Variants in PDS5B observed in about 807,000 individuals in gnomAD.
PDS5B encodes the protein PDS5 cohesin associated factor B.
In PDS5B, 51 loss-of-function variants were observed where a neutral mutation model predicts 184.1. That is an observed-to-expected ratio of 0.28 (90% CI 0.22 to 0.35). The LOEUF (loss-of-function observed/expected upper bound fraction) is 0.35, where lower values mean the gene tolerates loss of function less well. PDS5B is among the 10% of genes least tolerant of loss of function. PDS5B has a pLI of 1.00. For synonymous variants in PDS5B, 566 were observed against 569.2 expected (o/e 0.99, Z 0.08); for missense variants, 1,180 against 1,723.3 (o/e 0.68, Z 5.58).
intron 12 of PDS5B, among the ~76,000 whole-genome samples, chr13:32,687,839 A>G (rs1951439715): frequency 6.6e-6 from 1 of 152,182 alleles, no homozygotes; most frequent in African/African-American, 2.4e-5. Flanking sequence ...TTATTAGTGG[A>G]GACCAAATGA....
intron 21 of PDS5B, among the ~76,000 whole-genome samples, chr13:32,739,600 T>G (rs1953468775): frequency 6.6e-6 from 1 of 152,196 alleles, no homozygotes; most frequent in Non-Finnish European, 1.5e-5. Flanking sequence ...TACTTCCATT[T>G]TAGGTATTTA....
intron 1 of PDS5B, among the ~76,000 whole-genome samples, chr13:32,609,221 G>A (rs897156860): frequency 6.6e-6 from 1 of 151,920 alleles, no homozygotes; most frequent in African/African-American, 2.4e-5. Flanking sequence ...ATCCGTTGTT[G>A]GATTAATTTT....
chr13:32,655,397 T>A (rs1341334279), intron 3 of PDS5B, among the ~76,000 whole-genome samples: 21 of 133,890 alleles, frequency 1.6e-4, no homozygotes, highest in South Asian at 5.2e-4. Context: ...TTTTTTTTTT[T>A]AGATGGAGTT....
In PDS5B at chr13:32,741,113, C is replaced by G; in HGVS notation, c.2440C>G (p.Pro814Ala). The G allele has an allele frequency of 6.4e-7, 1 of 1,568,974 alleles. No homozygotes were observed. Among genetic ancestry groups the G allele is most frequent in the Non-Finnish European group, 8.7e-7 (1 of 1,148,226 alleles). ...PGKKTTKLWV[P>A]DEEVSPETMV... ...GAAAAAGACAACTAAACTTTGGGTT[C>G]CAGATGAAGAAGTATCTCCTGAGAC... The change falls in exon 22 of 35, where the codon CCA becomes GCA. Residue 814 changes from proline (P) to alanine (A), a missense_variant. Pro to Ala is a conservative substitution (Grantham distance 27, BLOSUM62 -1). This residue lies in a region of PDS5B where 475 missense variants were observed against 691.5 expected (regional missense o/e 0.69). Coordinates refer to ENST00000315596, the MANE Select transcript of PDS5B (RefSeq NM_015032.4).
chr13:32,719,192 T>C (rs937123207), intron 19 of PDS5B, among the ~76,000 whole-genome samples: 4 of 152,162 alleles, frequency 2.6e-5, no homozygotes, highest in Non-Finnish European at 5.9e-5. Context: ...TTACTATTAT[T>C]ATTTTGTTGA....
chr13:32,764,438 C>A lies in PDS5B; in HGVS notation c.3519-51C>A, dbSNP rs758323141. 6 of 1,161,922 alleles carry A rather than the reference C, an allele frequency of 5.2e-6. No homozygotes were observed. In the Admixed American group the frequency reaches 1.2e-4, roughly 24 times the overall value. 72.0% of individuals were successfully genotyped at this position (1,161,922 alleles called of 1,614,324 possible). A position where few individuals can be genotyped will look rare whatever the true frequency, so the allele number is the denominator to read the frequency against. On this transcript the variant is annotated intron_variant, in intron 30 of 34. Transcript: ENST00000315596. The stretch of plus-strand genomic sequence containing the variant: ...AAAGCTACACTAGGAACAGAAAAAG[C>A]TTGTAAGGTTATTTGATTGTAATAA...
intron 1 of PDS5B, among the ~76,000 whole-genome samples, chr13:32,619,368 G>A (rs954654537): frequency 3.3e-5 from 5 of 152,154 alleles, no homozygotes; most frequent in Admixed American, 6.5e-5. Context: ...AATCTGTACA[G>A]CATGTTACTG....
intron 13 of PDS5B, chr13:32,689,509 C>A (rs1319775092): frequency 6.6e-6 from 1 of 152,064 alleles, no homozygotes; most frequent in East Asian, 1.9e-4. Context: ...ATCTGATTGC[C>A]CACAAAGCTT....
At chr13:32,696,462 C>G (rs944908103) in intron 14 of PDS5B, among the ~76,000 whole-genome samples, 2 of 151,940 alleles carry the variant, frequency 1.3e-5, no homozygotes, top group African/African-American at 4.8e-5. Flanking sequence ...TTGTCTTTCT[C>G]CAGTGTCTTC....
chr13:32,660,171 C>T (rs935643106), intron 6 of PDS5B, among the ~76,000 whole-genome samples: 2 of 152,148 alleles, frequency 1.3e-5, no homozygotes, highest in African/African-American at 4.8e-5. Context: ...CCCACCATGT[C>T]CTGACTCTAC....
chr13:32,696,695 A>G (rs1264459583), intron 14 of PDS5B, among the ~76,000 whole-genome samples, 159 bp from the exon 15 acceptor site: 1 of 152,190 alleles, frequency 6.6e-6, no homozygotes, highest in East Asian at 1.9e-4. Flanking sequence ...TGTCCAGTTT[A>G]TCTAGAGTTT....
intron 8 of PDS5B, among the ~76,000 whole-genome samples, chr13:32,674,872 G>T (rs578126009): frequency 6.6e-6 from 1 of 150,716 alleles, no homozygotes; most frequent in Non-Finnish European, 1.5e-5. Context: ...AGAAATAGCT[G>T]TCCAGGCACT....
rs1325871753 is a variant in PDS5B, at chr13:32,760,695, A to G, written c.3493A>G (p.Ser1165Gly). 2 of 1,614,024 alleles carry G rather than the reference A, an allele frequency of 1.2e-6. No individual in the cohort carries two copies. Among genetic ancestry groups the G allele is most frequent in the Non-Finnish European group, 1.7e-6 (2 of 1,179,954 alleles). The change falls in exon 30 of 35, where the codon AGC becomes GGC. Residue 1165 changes from serine (S) to glycine (G), a missense_variant. Physicochemically the swap from Ser to Gly is moderately conservative, Grantham distance 56. Coordinates refer to ENST00000315596, the MANE Select transcript of PDS5B (RefSeq NM_015032.4). ...CAATGCAAGCAGCAGCTCAAATCCAAGCTCTCCTGGAAGAATAAAGGGGAG... is the reference window on the plus strand; with the variant it reads ...CAATGCAAGCAGCAGCTCAAATCCAGGCTCTCCTGGAAGAATAAAGGGGAG... ...VSNASSSSNP[S>G]SPGRIKGRLD...
rs926794212 is a variant in PDS5B, at chr13:32,748,933, G to A, written c.2736+2833G>A. Among the ~76,000 whole-genome samples the A allele has an allele frequency of 5.3e-5, 8 of 151,898 alleles. No individual in the cohort carries two copies. In the East Asian group the frequency reaches 1.5e-3, roughly 29 times the overall value. On this transcript the variant is annotated intron_variant, in intron 24 of 34. Transcript: ENST00000315596. The stretch of plus-strand genomic sequence containing the variant: ...TCTTACTTTCTTGACCATTCTTATT[G>A]CTGTAATCATCATTAGCTCTCACCA...
intron 6 of PDS5B, among the ~76,000 whole-genome samples, chr13:32,660,270 C>A (rs1432298504): frequency 6.6e-6 from 1 of 152,170 alleles, no homozygotes; most frequent in Non-Finnish European, 1.5e-5. Context: ...CCCATCGTCT[C>A]CTTCACCTTG....
rs1198758739 is a variant in PDS5B at position 32,735,163 on chromosome 13, C to T, written c.2248-9C>T. On this transcript the variant is annotated splice_polypyrimidine_tract_variant and intron_variant, in intron 20 of 34. Coordinates refer to ENST00000315596, the MANE Select transcript of PDS5B (RefSeq NM_015032.4). ...GAGTTGAAATATATTTTCCTCCCCT[C>T]ATTTTCAGCCTCTGCATAAGAGCCT... The T allele has an allele frequency of 6.6e-7, 1 of 1,525,020 alleles. No homozygotes were observed. Among genetic ancestry groups the T allele is most frequent in the Non-Finnish European group, 8.8e-7 (1 of 1,135,358 alleles). 94.5% of individuals were successfully genotyped at this position (1,525,020 alleles called of 1,614,324 possible).
chr13:32,736,227 T>C (rs1195797778), intron 21 of PDS5B, among the ~76,000 whole-genome samples: 1 of 152,098 alleles, frequency 6.6e-6, no homozygotes, highest in East Asian at 1.9e-4. Flanking sequence ...CAACATATTT[T>C]CTCCTTTTGT....
chr13:32,713,927 T>C lies in PDS5B; in HGVS notation c.2123+3821T>C, dbSNP rs117633200. Among the ~76,000 whole-genome samples the C allele has an allele frequency of 7.3e-4, 111 of 152,294 alleles. 3 individuals are homozygous for C. The East Asian group carries it at 0.017, about 23-fold the overall frequency. On this transcript the variant is annotated intron_variant, in intron 19 of 34. Coordinates refer to ENST00000315596, the MANE Select transcript of PDS5B (RefSeq NM_015032.4). ...TGCCCCGATAATCATGTAGGTTCTT[T>C]TCTATTTTTCCTAAGCGGCGGCCGG... is the stretch of plus-strand genomic sequence containing the variant.
chr13:32,772,437 T>C (rs755116365), intron 33 of PDS5B, among the ~76,000 whole-genome samples: 2 of 152,116 alleles, frequency 1.3e-5, no homozygotes, highest in Admixed American at 1.3e-4. Flanking sequence ...AAAGTAACAA[T>C]GAGTTGATAT....
Sources: allele counts gnomAD v4.1 joint callset (sites outside exome capture counted in the v4.1 genomes callset), GRCh38; gene constraint gnomAD v4.1.1; regional missense constraint gnomAD v4.1.1; transcripts MANE v1.5; gene names NCBI Gene and HGNC (gene_info 2026-07-23, HGNC 2026-07-21).